Variants in ARHGEF12 observed in about 807,000 individuals in gnomAD.
ARHGEF12 encodes Rho guanine nucleotide exchange factor 12.
In ARHGEF12, 66 loss-of-function variants were observed where a neutral mutation model predicts 211.2. That is an observed-to-expected ratio of 0.31 (90% CI 0.26 to 0.38). ARHGEF12 has a LOEUF of 0.38. Among genes scored for constraint, ARHGEF12 ranks in the 10% least tolerant of loss-of-function variants. The pLI is 1.00. For missense variants in ARHGEF12, 1,429 were observed against 1,869.5 expected (o/e 0.76, Z 4.34); for synonymous variants, 592 against 638.4 (o/e 0.93, Z 1.09).
chr11:120,429,504 A>G lies in ARHGEF12; in HGVS notation c.650A>G (p.Gln217Arg). 1 of 1,613,958 alleles carries G rather than the reference A, an allele frequency of 6.2e-7. No individual in the cohort carries two copies. Among genetic ancestry groups the G allele is most frequent in the South Asian group, 1.1e-5 (1 of 91,022 alleles). The change falls in exon 9 of 41, where the codon CAG becomes CGG. Residue 217 changes from glutamine (Q) to arginine (R), a missense_variant. Around this residue, in one of 7 missense-constraint regions of ARHGEF12, gnomAD observed 254 missense variants for 286.4 expected, o/e 0.89. Transcript: ENST00000397843. ...EILRKMLQKE[Q>R]ERLQLLQEDY... is the part of the protein sequence containing the mutation. ...CTGAGAAAAATGTTACAGAAAGAAC[A>G]GGAACGGCTACAGGTATTAAATGAG...
intron 1 of ARHGEF12, among the ~76,000 whole-genome samples, chr11:120,349,111 G>T (rs1161274984): frequency 6.6e-6 from 1 of 152,134 alleles, no homozygotes; most frequent in Non-Finnish European, 1.5e-5. Context: ...CAATTTGGGG[G>T]AATGTTTGAG....
At chr11:120,392,839 G>C (rs903529993) in intron 1 of ARHGEF12, among the ~76,000 whole-genome samples, 1 of 152,206 alleles carries the variant, frequency 6.6e-6, no homozygotes, top group Non-Finnish European at 1.5e-5. Flanking sequence ...GATGCCACCA[G>C]TGAACTTTGT....
At chr11:120,403,795 C>G (rs939096711) in intron 1 of ARHGEF12, among the ~76,000 whole-genome samples, 4 of 152,108 alleles carry the variant, frequency 2.6e-5, no homozygotes, top group African/African-American at 9.7e-5. Context: ...TAATATCGAT[C>G]CAAAAGATAT....
rs113928738 is a variant in ARHGEF12, at chr11:120,421,657, C to T, written c.299-146C>T. On this transcript the variant is annotated intron_variant, in intron 5 of 40. Coordinates refer to ENST00000397843, the MANE Select transcript of ARHGEF12 (RefSeq NM_015313.3). ...TTTACCATGTTGGCCAGGATGGTCTCGATCTCTTGACCTCGTGATCCGCCC... is the reference window on the plus strand; with the variant it reads ...TTTACCATGTTGGCCAGGATGGTCTTGATCTCTTGACCTCGTGATCCGCCC... The T allele has an allele frequency of 6.2e-3, 4,215 of 677,340 alleles. 91 individuals are homozygous for T. The highest frequency in any genetic ancestry group is 0.055 in the African/African-American group (2,921 of 53,578). The allele number at this position is 677,340 out of a possible 1,614,324, so 42.0% of individuals were successfully genotyped here. A position where few individuals can be genotyped will look rare whatever the true frequency, so the allele number is the denominator to read the frequency against.
chr11:120,437,182 GA>G, intron 11 of ARHGEF12, 125 bp from the exon 12 acceptor site: 4 of 569,066 alleles, frequency 7.0e-6, no homozygotes, highest in Middle Eastern at 3.4e-4. Context: ...AGCATTTTAC[GA>G]AAGATATTTA....
intron 6 of ARHGEF12, 129 bp downstream of exon 6, chr11:120,421,981 T>C (rs1945206786): frequency 4.8e-6 from 3 of 629,220 alleles, no homozygotes; most frequent in Non-Finnish European, 8.2e-6. Context: ...ATCTGTTGAC[T>C]ATACAAACTT....
intron 22 of ARHGEF12, among the ~76,000 whole-genome samples, chr11:120,452,820 AC>A (rs1294271267): frequency 1.3e-5 from 2 of 151,946 alleles, no homozygotes; most frequent in African/African-American, 4.8e-5. Flanking sequence ...ACATGGTGAA[AC>A]CCGGTCTCTA....
At chr11:120,359,779 G>T (rs1048998328) in intron 1 of ARHGEF12, among the ~76,000 whole-genome samples, 1 of 152,196 alleles carries the variant, frequency 6.6e-6, no homozygotes, top group African/African-American at 2.4e-5. Context: ...ACTTTCAAAG[G>T]CTGGAGGAAC....
At chr11:120,368,757 C>T (rs975981352) in intron 1 of ARHGEF12, among the ~76,000 whole-genome samples, 3 of 151,826 alleles carry the variant, frequency 2.0e-5, no homozygotes, top group Non-Finnish European at 4.4e-5. Flanking sequence ...CTTTTAGGTT[C>T]GGGGTACATG....
chr11:120,483,836 G>A (rs903566492), intron 39 of ARHGEF12, among the ~76,000 whole-genome samples: 8 of 152,010 alleles, frequency 5.3e-5, no homozygotes, highest in African/African-American at 1.7e-4. Flanking sequence ...GGATGGTCTC[G>A]ATCTCCTGAC....
At chr11:120,409,636 G>A in intron 4 of ARHGEF12, 186 bp downstream of exon 4, 1 of 541,024 alleles carries the variant, frequency 1.8e-6, no homozygotes. Context: ...TGATGTGGAA[G>A]CTTAAGGTTG....
chr11:120,404,927 A>C (rs974403636), intron 1 of ARHGEF12, among the ~76,000 whole-genome samples: 3 of 152,194 alleles, frequency 2.0e-5, no homozygotes, highest in African/African-American at 7.2e-5. Flanking sequence ...TTGTAAAGTC[A>C]GTTTGTTCTC....
rs116180496 is a variant in ARHGEF12, at chr11:120,376,902, C to T, written c.33-29216C>T. ...ATGAGAGCATGTGAAGTTTGTCTTT[C>T]GGTGTCTGGCCTATTTCACTTAACA... On this transcript the variant is annotated intron_variant, in intron 1 of 40. Coordinates refer to ENST00000397843, the MANE Select transcript of ARHGEF12 (RefSeq NM_015313.3). Among the ~76,000 whole-genome samples, 931 of 152,210 alleles carry T rather than the reference C, an allele frequency of 6.1e-3. 9 individuals carry two copies. The highest frequency in any genetic ancestry group is 0.022 in the African/African-American group (908 of 41,532).
intron 38 of ARHGEF12, 76 bp downstream of exon 38, chr11:120,480,506 T>A: frequency 7.2e-7 from 1 of 1,384,164 alleles, no homozygotes; most frequent in Non-Finnish European, 9.9e-7. Context: ...AAATGGATGT[T>A]GTATTGGTAT....
rs1946388906 is a variant in ARHGEF12 at position 120,457,196 on chromosome 11, A to G, written c.2135A>G (p.Asp712Gly). The G allele has an allele frequency of 6.2e-7, 1 of 1,614,018 alleles. No individual in the cohort carries two copies. The highest frequency in any genetic ancestry group is 1.3e-5 in the African/African-American group (1 of 74,916). Reference protein sequence around the residue: ...GTPRTLNTVFDFPPPPLDQVQ... With the variant: ...GTPRTLNTVFGFPPPPLDQVQ... ...CCTCGTACTCTCAATACTGTCTTTGATTTCCCACCACCTCCATTAGACCAA... is the reference window on the plus strand; with the variant it reads ...CCTCGTACTCTCAATACTGTCTTTGGTTTCCCACCACCTCCATTAGACCAA... The change falls in exon 23 of 41, where the codon GAT becomes GGT. Residue 712 changes from aspartate to glycine, a missense_variant. By Grantham distance (94) the Asp-to-Gly change is moderately conservative. Coordinates refer to ENST00000397843, the MANE Select transcript of ARHGEF12 (RefSeq NM_015313.3).
chr11:120,484,122 A>G (rs897032436), intron 39 of ARHGEF12, among the ~76,000 whole-genome samples: 1 of 152,196 alleles, frequency 6.6e-6, no homozygotes, highest in Non-Finnish European at 1.5e-5. Flanking sequence ...GCATGACTAT[A>G]GCTCATGCAC....
chr11:120,427,653 C>T (rs1945387111), intron 7 of ARHGEF12, among the ~76,000 whole-genome samples: 1 of 147,448 alleles, frequency 6.8e-6, no homozygotes, highest in South Asian at 2.1e-4. Context: ...GCCTGGGTGA[C>T]AAAGTGAGAC....
intron 1 of ARHGEF12, among the ~76,000 whole-genome samples, chr11:120,360,802 T>C (rs1943256343): frequency 6.6e-6 from 1 of 152,014 alleles, no homozygotes; most frequent in African/African-American, 2.4e-5. Context: ...ATAGAAAAAA[T>C]ATGAATGATT....
In ARHGEF12 at chr11:120,428,077, T is replaced by C; in HGVS notation, c.415T>C (p.Tyr139His). 6.3e-7 allele frequency: 1 copy of C among 1,578,286 alleles called. No individual in the cohort carries two copies. Among genetic ancestry groups the C allele is most frequent in the Non-Finnish European group, 8.6e-7 (1 of 1,163,210 alleles). The change falls in exon 8 of 41, where the codon TAT becomes CAT. Residue 139 changes from tyrosine (Y) to histidine (H), a missense_variant. Physicochemically the swap from Tyr to His is moderately conservative, Grantham distance 83. This residue lies in a region of ARHGEF12 where 254 missense variants were observed against 286.4 expected (regional missense o/e 0.89). Coordinates refer to ENST00000397843, the MANE Select transcript of ARHGEF12 (RefSeq NM_015313.3). ...CGTCTCCCCACCCCAAGCTGGTTCC[T>C]ATGTAGCTCTCACTGTTCAGGGACG... Reference protein sequence around the residue: ...EVVKLIKSGSYVALTVQGRPP... With the variant: ...EVVKLIKSGSHVALTVQGRPP...
Sources: gnomAD v4.1 joint callset for allele counts (sites outside exome capture counted in the v4.1 genomes callset) on GRCh38, gnomAD v4.1.1 for gene constraint, gnomAD v4.1.1 regional missense constraint, MANE v1.5 for transcripts, NCBI Gene and HGNC (gene_info 2026-07-23, HGNC 2026-07-21) for gene names.